The following GCM1 variants were observed in gnomAD, a reference collection of about 807,000 sequenced individuals.
GCM1 encodes the protein chorion-specific transcription factor GCMa.
Under a neutral mutation model 25.7 loss-of-function variants are expected in GCM1, and 2 were observed. The observed-to-expected ratio is 0.08, with a 90% CI of 0.03 to 0.24. The LOEUF is 0.24. Ranked by LOEUF, GCM1 falls within the 10% of genes least tolerant of loss-of-function variation. The pLI is 1.00. For missense variants in GCM1, 395 were observed against 538.7 expected (o/e 0.73, Z 2.64); for synonymous variants, 183 against 195.7 (o/e 0.94, Z 0.54).
chr6:53,133,517 G>A (rs190068854), intron 3 of GCM1, among the ~76,000 whole-genome samples: 55 of 151,840 alleles, frequency 3.6e-4, no homozygotes, highest in Admixed American at 1.1e-3. Context: ...TTGGAGATAG[G>A]ATCTCACTCT....
chr6:53,136,855 A>C (rs539895863), intron 2 of GCM1, among the ~76,000 whole-genome samples: 1 of 152,282 alleles, frequency 6.6e-6, no homozygotes, highest in East Asian at 1.9e-4. Flanking sequence ...GGGCACCAGT[A>C]ATCCTTGCTT....
rs13219418 is a variant in GCM1, at chr6:53,127,889, C to A, written c.*317G>T. The A allele has an allele frequency of 1.1e-5, 2 of 189,880 alleles. No individual in the cohort carries two copies. The highest frequency in any genetic ancestry group is 2.7e-4 in the South Asian group (2 of 7,526). The allele number at this position is 189,880 out of a possible 1,614,324, so 11.8% of individuals were successfully genotyped here. ...ACTAAAAATAGAAAAATTAGCCAGG[C>A]GCAGTGGCAGGTGCCTGTAATCCCA... On this transcript the variant is annotated 3_prime_UTR_variant, in exon 6 of 6. Coordinates refer to ENST00000259803, the MANE Select transcript of GCM1 (RefSeq NM_003643.4).
At chr6:53,146,907 A>G (rs60909096) in intron 1 of GCM1, among the ~76,000 whole-genome samples, 16,825 of 152,042 alleles carry the variant, frequency 0.11, 2,088 homozygotes, top group African/African-American at 0.31. Context: ...GGTGGTGCAC[A>G]CCTGTAGTCC....
rs1404177532 is a variant in GCM1, at chr6:53,128,786, A to G, written c.731T>C (p.Leu244Pro). The change falls in exon 6 of 6, where the codon CTG becomes CCG. Residue 244 changes from leucine to proline, a missense_variant. Physicochemically the swap from Leu to Pro is moderately conservative, Grantham distance 98. This residue lies in a region of GCM1 where 291 missense variants were observed against 314.6 expected (regional missense o/e 0.92). Transcript: ENST00000259803. ...DCFSFSKSYG[L>P]GGITDLTDQT... ...GTCAGTCAGATCTGTGATTCCTCCCAGACCATAACTCTTGGAGAAGGAAAA... is the reference window on the plus strand; with the variant it reads ...GTCAGTCAGATCTGTGATTCCTCCCGGACCATAACTCTTGGAGAAGGAAAA... The G allele has an allele frequency of 1.2e-6, 2 of 1,613,564 alleles. No individual in the cohort carries two copies. The highest frequency in any genetic ancestry group is 1.3e-5 in the African/African-American group (1 of 74,918).
In GCM1 at chr6:53,127,003, T is replaced by A. The variant is rs1047398405; in HGVS notation, c.*1203A>T. On this transcript the variant is annotated 3_prime_UTR_variant, in exon 6 of 6. Transcript: ENST00000259803. The stretch of plus-strand genomic sequence containing the variant: ...TGTTTATTGCATGGTTCTCTCCAGA[T>A]TTTATGTCTAGGCTTACTTTTATCA... The A allele has an allele frequency of 6.6e-6, 1 of 152,188 alleles. No homozygotes were observed. The highest frequency in any genetic ancestry group is 2.4e-5 in the African/African-American group (1 of 41,444). 9.4% of individuals were successfully genotyped at this position (152,188 alleles called of 1,614,324 possible).
chr6:53,134,398 G>C, intron 2 of GCM1, 74 bp from the exon 3 acceptor site: 2 of 1,399,114 alleles, frequency 1.4e-6, no homozygotes. Flanking sequence ...GGAGTGAGTA[G>C]ATAGGAAGGA....
chr6:53,145,813 A>T lies in GCM1; in HGVS notation c.-136-45T>A, dbSNP rs1056864230. The T allele has an allele frequency of 8.8e-6, 4 of 452,704 alleles. No individual in the cohort carries two copies. In the South Asian group the frequency reaches 1.0e-4, roughly 11 times the overall value. 28.0% of individuals were successfully genotyped at this position (452,704 alleles called of 1,614,324 possible). A position where few individuals can be genotyped will look rare whatever the true frequency, so the allele number is the denominator to read the frequency against. ...TAGTATTGGCCATTAAAGAGATTTA[A>T]AAAAAAACCCCAATGCTCCTCTGCC... On this transcript the variant is annotated intron_variant, in intron 1 of 5. Transcript: ENST00000259803.
intron 2 of GCM1, among the ~76,000 whole-genome samples, chr6:53,141,758 T>C (rs151223457): frequency 6.7e-6 from 1 of 149,270 alleles, no homozygotes; most frequent in African/African-American, 2.5e-5. Flanking sequence ...GATCCTAGTA[T>C]TTTGGGAGGC....
chr6:53,144,802 C>T (rs1411086805), intron 2 of GCM1, among the ~76,000 whole-genome samples: 4 of 151,270 alleles, frequency 2.6e-5, no homozygotes, highest in Admixed American at 6.6e-5. Flanking sequence ...ATGGTCCCAG[C>T]TACTTGGGAG....
In GCM1 at chr6:53,145,735, C is replaced by G; in HGVS notation, c.-103G>C. 2 of 707,834 alleles carry G rather than the reference C, an allele frequency of 2.8e-6. No individual in the cohort carries two copies. The highest frequency in any genetic ancestry group is 5.1e-6 in the Non-Finnish European group (2 of 395,196). 43.8% of individuals were successfully genotyped at this position (707,834 alleles called of 1,614,324 possible). ...CTTGATATAGCTGGATCGGCCCACT[C>G]AAGCACCTTGGACCAGGAGATTGTT... is the stretch of plus-strand genomic sequence containing the variant. On this transcript the variant is annotated 5_prime_UTR_variant, in exon 2 of 6. Coordinates refer to ENST00000259803, the MANE Select transcript of GCM1 (RefSeq NM_003643.4).
Position 53,131,719 on chromosome 6 carries a change from G to T in GCM1, c.441+288C>A, listed in dbSNP as rs561703446. 9.2e-5 allele frequency among the ~76,000 whole-genome samples: 14 copies of T among 152,282 alleles called. 1 individual carries two copies. In the South Asian group the frequency reaches 1.9e-3, roughly 20 times the overall value. On this transcript the variant is annotated intron_variant, in intron 4 of 5. Transcript: ENST00000259803. ...GTGTTCAAACTCAGATTTGCTGAAG[G>T]CTACCAGCAGCATGCAGCATGCGGC... is the stretch of plus-strand genomic sequence containing the variant.
intron 2 of GCM1, among the ~76,000 whole-genome samples, chr6:53,138,020 C>T (rs1441747217): frequency 6.7e-6 from 1 of 149,884 alleles, no homozygotes; most frequent in East Asian, 2.0e-4. Context: ...AGTGGCTCAC[C>T]CCTGTAATCC....
intron 2 of GCM1, among the ~76,000 whole-genome samples, chr6:53,143,482 T>C (rs1241495095): frequency 6.6e-6 from 1 of 152,230 alleles, no homozygotes; most frequent in African/African-American, 2.4e-5. Flanking sequence ...TGCTCTAGAA[T>C]GTGACATTGT....
chr6:53,139,532 T>C (rs773117060), intron 2 of GCM1, among the ~76,000 whole-genome samples: 1 of 149,918 alleles, frequency 6.7e-6, no homozygotes, highest in Non-Finnish European at 1.5e-5. Flanking sequence ...AATTACTGAT[T>C]ACTCTTTAGA....
At chr6:53,140,703 G>C (rs1205405415) in intron 2 of GCM1, among the ~76,000 whole-genome samples, 1 of 152,104 alleles carries the variant, frequency 6.6e-6, no homozygotes, top group Admixed American at 6.6e-5. Context: ...AAACTGGCTG[G>C]TATTTGAAAC....
intron 4 of GCM1, 111 bp downstream of exon 4, chr6:53,131,896 A>G (rs1763731724): frequency 4.1e-6 from 3 of 724,774 alleles, no homozygotes; most frequent in Non-Finnish European, 7.6e-6. Context: ...TTGCTCTCTT[A>G]GAGTGTGAGC....
At chr6:53,137,270 T>C (rs1763814859) in intron 2 of GCM1, among the ~76,000 whole-genome samples, 1 of 152,124 alleles carries the variant, frequency 6.6e-6, no homozygotes, top group South Asian at 2.1e-4. Context: ...TCCCCAATTC[T>C]CTGGTAATTT....
chr6:53,128,205 G>A lies in GCM1; in HGVS notation c.*1C>T. ...GGGGTGCACATAGTGAAAGATTTGG[G>A]TCATCTCAAAGGACACAGGTTCAGA... is the stretch of plus-strand genomic sequence containing the variant. On this transcript the variant is annotated 3_prime_UTR_variant, in exon 6 of 6. Transcript: ENST00000259803. 6.2e-7 allele frequency: 1 copy of A among 1,600,526 alleles called. No homozygotes were observed. Among genetic ancestry groups the A allele is most frequent in the Non-Finnish European group, 8.5e-7 (1 of 1,177,102 alleles).
Position 53,142,869 on chromosome 6 carries a change from C to T in GCM1, c.75+2689G>A, listed in dbSNP as rs1253956365. On this transcript the variant is annotated intron_variant, in intron 2 of 5. Transcript: ENST00000259803. ...GAAAAGGTAAACAACTCAAGGATCT[C>T]CAAAAAAAAAAAAAAAAAAAAAAAA... Among the ~76,000 whole-genome samples, 6 of 23,678 alleles carry T rather than the reference C, an allele frequency of 2.5e-4. No homozygotes were observed. In the Admixed American group the frequency reaches 3.5e-3, roughly 14 times the overall value. 15.5% of individuals were successfully genotyped at this position (23,678 alleles called of 152,430 possible). A position where few individuals can be genotyped will look rare whatever the true frequency, so the allele number is the denominator to read the frequency against.
Sources: gnomAD v4.1 joint callset for allele counts (sites outside exome capture counted in the v4.1 genomes callset) on GRCh38, gnomAD v4.1.1 for gene constraint, gnomAD v4.1.1 regional missense constraint, MANE v1.5 for transcripts, NCBI Gene and HGNC (gene_info 2026-07-23, HGNC 2026-07-21) for gene names.